CSMD2: variants seen among roughly 807,000 people sequenced by gnomAD.
CSMD2 encodes the protein CUB and sushi domain-containing protein 2.
Under a neutral mutation model 398.5 loss-of-function variants are expected in CSMD2, and 130 were observed. That is an observed-to-expected ratio of 0.33 (90% CI 0.28 to 0.38). The LOEUF (loss-of-function observed/expected upper bound fraction) is 0.38, where lower values mean the gene tolerates loss of function less well. CSMD2 is among the 10% of genes least tolerant of loss of function. The pLI, the probability that CSMD2 is intolerant of heterozygous loss-of-function variation, is 1.00. For synonymous variants in CSMD2, 1,828 were observed against 1,908.5 expected (o/e 0.96, Z 1.10); for missense variants, 3,829 against 4,764.9 (o/e 0.80, Z 5.78).
chr1:33,563,116 C>G (rs1379837721), intron 53 of CSMD2, among the ~76,000 whole-genome samples: 1 of 152,160 alleles, frequency 6.6e-6, no homozygotes, highest in Non-Finnish European at 1.5e-5. Flanking sequence ...CATTTCAGGA[C>G]AACTAGACCT....
intron 3 of CSMD2, among the ~76,000 whole-genome samples, chr1:33,981,823 G>C (rs78338813): frequency 0.014 from 2,106 of 152,314 alleles, 32 homozygotes; most frequent in African/African-American, 0.042. Context: ...TGAGGAATGG[G>C]CACAGTGAGG....
At chr1:34,111,523 T>C (rs1260268028) in intron 1 of CSMD2, among the ~76,000 whole-genome samples, 1 of 152,250 alleles carries the variant, frequency 6.6e-6, no homozygotes, top group African/African-American at 2.4e-5. Context: ...CCATCATTTA[T>C]CAGGCACTGA....
At chr1:33,910,398 A>C (rs1204752715) in intron 5 of CSMD2, among the ~76,000 whole-genome samples, 1 of 152,202 alleles carries the variant, frequency 6.6e-6, no homozygotes, top group Non-Finnish European at 1.5e-5. Flanking sequence ...AGTTCAACTC[A>C]AAAATCATCC....
At chr1:34,155,500 T>C (rs1002440939) in intron 1 of CSMD2, among the ~76,000 whole-genome samples, 1 of 151,922 alleles carries the variant, frequency 6.6e-6, no homozygotes, top group African/African-American at 2.4e-5. Flanking sequence ...GGGTGGGTGG[T>C]GGTTGGGGAA....
intron 19 of CSMD2, among the ~76,000 whole-genome samples, chr1:33,721,849 C>T (rs764903149): frequency 1.3e-5 from 2 of 152,088 alleles, no homozygotes; most frequent in Non-Finnish European, 1.5e-5. Flanking sequence ...GTTTACTGCT[C>T]AAAATTAGAA....
intron 3 of CSMD2, among the ~76,000 whole-genome samples, chr1:33,982,123 G>T (rs1646193641): frequency 6.6e-6 from 1 of 152,146 alleles, no homozygotes; most frequent in Non-Finnish European, 1.5e-5. Flanking sequence ...AAAGTGGACA[G>T]ATGTCAGAAA....
chr1:33,664,716 T>C (rs1303818297), intron 25 of CSMD2, among the ~76,000 whole-genome samples: 1 of 152,006 alleles, frequency 6.6e-6, no homozygotes, highest in African/African-American at 2.4e-5. Context: ...GGCAGGAGAA[T>C]GTAATGAACC....
At chr1:34,125,649 G>A (rs1389608322) in intron 1 of CSMD2, among the ~76,000 whole-genome samples, 1 of 152,136 alleles carries the variant, frequency 6.6e-6, no homozygotes, top group Non-Finnish European at 1.5e-5. Context: ...AGTAAGGACT[G>A]TGTTATTATT....
rs1271949817 is a variant in CSMD2 at position 33,772,711 on chromosome 1, T to C, written c.1704A>G (p.Ala568=). The C allele has an allele frequency of 6.2e-7, 1 of 1,614,132 alleles. No homozygotes were observed. The highest frequency in any genetic ancestry group is 8.5e-7 in the Non-Finnish European group (1 of 1,179,996). The stretch of plus-strand genomic sequence containing the variant: ...ACCGGGAGCCTTCCCTCCGGCCATA[T>C]GCAGGTATGCCAGGGTCACCGCAAC... ...QGSCGDPGIP[A]YGRREGSRFH... Residue 568 remains alanine (A), a synonymous_variant, in exon 13 of 71, where the codon GCA becomes GCG. Transcript: ENST00000373381.
At chr1:33,966,320 A>C (rs1285188958) in intron 3 of CSMD2, among the ~76,000 whole-genome samples, 1 of 152,226 alleles carries the variant, frequency 6.6e-6, no homozygotes, top group Non-Finnish European at 1.5e-5. Flanking sequence ...TGATGGTTGC[A>C]AATCCTTGAA....
chr1:33,938,037 T>G (rs1266812086), intron 3 of CSMD2, among the ~76,000 whole-genome samples: 1 of 152,266 alleles, frequency 6.6e-6, no homozygotes, highest in African/African-American at 2.4e-5. Flanking sequence ...TATTAATTCC[T>G]TCATGCAACA....
intron 53 of CSMD2, among the ~76,000 whole-genome samples, chr1:33,566,775 C>G (rs1183108089): frequency 6.6e-6 from 1 of 152,078 alleles, no homozygotes; most frequent in Admixed American, 6.5e-5. Context: ...AAGACAGCAA[C>G]CATCTTTATA....
intron 5 of CSMD2, among the ~76,000 whole-genome samples, chr1:33,913,711 C>T (rs1057437114): frequency 5.9e-5 from 9 of 152,116 alleles, no homozygotes; most frequent in East Asian, 1.9e-4. Flanking sequence ...CTTCCCAGTT[C>T]GATGCCATGG....
chr1:33,628,472 C>G (rs1317993365), intron 32 of CSMD2, among the ~76,000 whole-genome samples: 1 of 151,934 alleles, frequency 6.6e-6, no homozygotes, highest in Non-Finnish European at 1.5e-5. Flanking sequence ...AGTTTGTGAC[C>G]AGCCTGACCA....
chr1:33,995,645 C>T (rs1646702874), intron 3 of CSMD2, among the ~76,000 whole-genome samples: 1 of 152,152 alleles, frequency 6.6e-6, no homozygotes, highest in African/African-American at 2.4e-5. Flanking sequence ...CTCACCAGTC[C>T]CCACTTCTGA....
chr1:33,678,217 GCTTA>G (rs1428272022), intron 25 of CSMD2, among the ~76,000 whole-genome samples: 1 of 151,094 alleles, frequency 6.6e-6, no homozygotes, highest in African/African-American at 2.4e-5. Flanking sequence ...ATGAGTAGAA[GCTTA>G]CTGAGGCCCT....
chr1:33,684,325 G>A (rs1238320580), intron 25 of CSMD2, among the ~76,000 whole-genome samples: 1 of 152,164 alleles, frequency 6.6e-6, no homozygotes, highest in Non-Finnish European at 1.5e-5. Context: ...TAAAAAACAA[G>A]GACTATTAGC....
chr1:33,663,669 C>T (rs1644217609), intron 25 of CSMD2, among the ~76,000 whole-genome samples: 1 of 152,086 alleles, frequency 6.6e-6, no homozygotes, highest in Non-Finnish European at 1.5e-5. Context: ...CCTCAGGAGG[C>T]CAGGTGGGAG....
At chr1:33,625,750 A>G (rs1642081896) in intron 33 of CSMD2, among the ~76,000 whole-genome samples, 1 of 152,078 alleles carries the variant, frequency 6.6e-6, no homozygotes, top group Non-Finnish European at 1.5e-5. Flanking sequence ...TGATAGGATC[A>G]CTCCTGCAAA....
Sources: gnomAD v4.1 joint callset for allele counts (sites outside exome capture counted in the v4.1 genomes callset) on GRCh38, gnomAD v4.1.1 for gene constraint, MANE v1.5 for transcripts, NCBI Gene and HGNC (gene_info 2026-07-23, HGNC 2026-07-21) for gene names.